PTGER3: variants seen among roughly 807,000 people sequenced by gnomAD.
PTGER3 encodes the protein prostaglandin E2 receptor EP3 subtype.
A neutral mutation model predicts 34.7 loss-of-function variants in PTGER3; 22 were observed. The observed-to-expected ratio is 0.63, with a 90% CI of 0.45 to 0.91. PTGER3 has a LOEUF of 0.91. Ranked by LOEUF, PTGER3 falls within the 40% of genes least tolerant of loss-of-function variation. The pLI is 0.00. For missense variants in PTGER3, 468 were observed against 519.4 expected (o/e 0.90, Z 0.96); for synonymous variants, 241 against 230.1 (o/e 1.05, Z -0.43).
At chr1:70,900,694 A>G (rs963807255) in intron 4 of PTGER3, among the ~76,000 whole-genome samples, 11 of 152,104 alleles carry the variant, frequency 7.2e-5, no homozygotes, top group Admixed American at 2.0e-4. Context: ...TCTATATTTC[A>G]TTTTGAAGGC....
At chr1:70,977,248 AGCTCATTTGTTTGGCCTTCTGCTATG>A (rs1227455982) in intron 2 of PTGER3, among the ~76,000 whole-genome samples, 1 of 152,096 alleles carries the variant, frequency 6.6e-6, no homozygotes, top group African/African-American at 2.4e-5. Context: ...CCAGAAACAT[AGCTCATTTGTTTGGCCTTCTGCTATG>A]GCTCATTTGT....
At chr1:70,903,368 A>G (rs1369950545) in intron 4 of PTGER3, among the ~76,000 whole-genome samples, 2 of 152,188 alleles carry the variant, frequency 1.3e-5, no homozygotes, top group Non-Finnish European at 2.9e-5. Flanking sequence ...TAACACCTCA[A>G]AACTAATCAT....
chr1:70,887,429 C>T (rs1646521378), intron 4 of PTGER3, among the ~76,000 whole-genome samples: 2 of 152,092 alleles, frequency 1.3e-5, no homozygotes, highest in Non-Finnish European at 2.9e-5. Context: ...TCTTTCAACC[C>T]AAATGTGTGT....
intron 4 of PTGER3, among the ~76,000 whole-genome samples, chr1:70,925,326 C>T (rs1364406810): frequency 1.3e-5 from 2 of 152,176 alleles, no homozygotes; most frequent in Non-Finnish European, 2.9e-5. Flanking sequence ...CTTAATATAA[C>T]TTTAATACAT....
intron 1 of PTGER3, among the ~76,000 whole-genome samples, chr1:71,046,054 G>A (rs562466796): frequency 2.6e-5 from 4 of 151,652 alleles, no homozygotes; most frequent in South Asian, 2.1e-4. Context: ...AGCACTTTGG[G>A]AGGCCGAGGC....
chr1:70,933,584 C>A (rs552420588), intron 4 of PTGER3, among the ~76,000 whole-genome samples: 1 of 152,102 alleles, frequency 6.6e-6, no homozygotes, highest in Non-Finnish European at 1.5e-5. Flanking sequence ...CTAGGCTCAG[C>A]GCATAGGAGG....
intron 4 of PTGER3, among the ~76,000 whole-genome samples, chr1:70,877,223 T>A (rs1646291233): frequency 6.6e-6 from 1 of 152,152 alleles, no homozygotes; most frequent in African/African-American, 2.4e-5. Flanking sequence ...GTGTTGTGAA[T>A]GGGATTGCAT....
chr1:70,898,206 T>C (rs976410066), intron 4 of PTGER3, among the ~76,000 whole-genome samples: 2 of 152,190 alleles, frequency 1.3e-5, no homozygotes, highest in African/African-American at 4.8e-5. Flanking sequence ...CCTACATCCC[T>C]GCTGGGCAAC....
At chr1:70,994,595 G>T (rs1655765207) in intron 2 of PTGER3, among the ~76,000 whole-genome samples, 1 of 151,720 alleles carries the variant, frequency 6.6e-6, no homozygotes, top group South Asian at 2.1e-4. Context: ...GTAGCTGGGA[G>T]TACAAGTGTG....
At chr1:70,934,767 T>A (rs1243037655) in intron 4 of PTGER3, among the ~76,000 whole-genome samples, 1 of 152,182 alleles carries the variant, frequency 6.6e-6, no homozygotes, top group Non-Finnish European at 1.5e-5. Flanking sequence ...ATTTCAATTA[T>A]GAAAAGCATG....
At chr1:70,919,101 C>T (rs1647296366) in intron 4 of PTGER3, among the ~76,000 whole-genome samples, 4 of 152,052 alleles carry the variant, frequency 2.6e-5, no homozygotes. Context: ...ATTTGTAAAG[C>T]ATGGGCTCTA....
chr1:70,912,631 C>T (rs1299977859), intron 4 of PTGER3, among the ~76,000 whole-genome samples: 1 of 152,092 alleles, frequency 6.6e-6, no homozygotes, highest in Non-Finnish European at 1.5e-5. Context: ...ATGGAACCAA[C>T]ATATAAGCCC....
At position 70,926,098 on chromosome 1, in the gene PTGER3, G is replaced by C. The variant is rs148410019; in HGVS notation, c.*23+27665C>G. On this transcript the variant is annotated intron_variant, in intron 4 of 4. Coordinates refer to the PTGER3 transcript ENST00000370931. ...ATATTGTTATCAACATTGTAGAGGAGAGACAATCCATGTGAGAGATGTTGA... is the reference window on the plus strand; with the variant it reads ...ATATTGTTATCAACATTGTAGAGGACAGACAATCCATGTGAGAGATGTTGA... Among the ~76,000 whole-genome samples the C allele has an allele frequency of 1.5e-3, 221 of 152,278 alleles. 3 individuals are homozygous for C. The highest frequency in any genetic ancestry group is 4.8e-3 in the African/African-American group (201 of 41,550).
At chr1:71,023,469 A>C (rs891938042) in intron 1 of PTGER3, among the ~76,000 whole-genome samples, 11 of 151,852 alleles carry the variant, frequency 7.2e-5, no homozygotes, top group African/African-American at 2.7e-4. Flanking sequence ...TAAACTGACT[A>C]TGTGTGGTCT....
chr1:70,915,947 G>A (rs549546232), intron 4 of PTGER3, among the ~76,000 whole-genome samples: 1 of 151,944 alleles, frequency 6.6e-6, no homozygotes, highest in Non-Finnish European at 1.5e-5. Flanking sequence ...TGAGTAAACA[G>A]ACAACTAGAA....
chr1:70,881,487 G>A (rs188043659), intron 4 of PTGER3, among the ~76,000 whole-genome samples: 1 of 152,132 alleles, frequency 6.6e-6, no homozygotes, highest in Non-Finnish European at 1.5e-5. Flanking sequence ...AGACATTTTT[G>A]CCTTTTTTGT....
chr1:71,046,770 T>C lies in PTGER3; in HGVS notation c.808A>G (p.Ser270Gly). 6.2e-7 allele frequency: 1 copy of C among 1,613,936 alleles called. No homozygotes were observed. The highest frequency in any genetic ancestry group is 8.5e-7 in the Non-Finnish European group (1 of 1,180,012). Residue 270 changes from serine (S) to glycine (G), a missense_variant, in exon 1 of 4, where the codon AGT becomes GGT. Physicochemically the swap from Ser to Gly is moderately conservative, Grantham distance 56. This residue lies in a region of PTGER3 where 204 missense variants were observed against 230.8 expected (regional missense o/e 0.88). Transcript: ENST00000306666. ...CRAKATASQS[S>G]AQWGRITTET... is the part of the protein sequence containing the mutation. Reference sequence around the variant, plus strand: ...GTCGTGATGCGGCCCCACTGGGCACTGGACTGAGATGCCGTGGCCTTGGCC... The same window carrying C: ...GTCGTGATGCGGCCCCACTGGGCACCGGACTGAGATGCCGTGGCCTTGGCC...
At chr1:70,910,429 G>A (rs879761000) in intron 4 of PTGER3, among the ~76,000 whole-genome samples, 2 of 152,064 alleles carry the variant, frequency 1.3e-5, no homozygotes, top group Non-Finnish European at 1.5e-5. Flanking sequence ...TCTAGAAATG[G>A]AGTCTCACTC....
At chr1:71,001,198 C>T (rs919384929) in intron 2 of PTGER3, among the ~76,000 whole-genome samples, 1 of 123,366 alleles carries the variant, frequency 8.1e-6, no homozygotes, top group East Asian at 1.9e-4. Flanking sequence ...TATGAAAAAA[C>T]TTAAGAAAAG....
Sources: allele counts gnomAD v4.1 joint callset (sites outside exome capture counted in the v4.1 genomes callset), GRCh38; gene constraint gnomAD v4.1.1; regional missense constraint gnomAD v4.1.1; transcripts MANE v1.5; gene names NCBI Gene and HGNC (gene_info 2026-07-23, HGNC 2026-07-21).